Variants in IL1RAPL1 observed in about 807,000 individuals in gnomAD.
IL1RAPL1 encodes interleukin-1 receptor accessory protein-like 1.
Under a neutral mutation model 48.4 loss-of-function variants are expected in IL1RAPL1, and 3 were observed. The observed-to-expected ratio is 0.06, with a 90% confidence interval of 0.03 to 0.16. IL1RAPL1 has a LOEUF of 0.16. Among genes scored for constraint, IL1RAPL1 ranks in the 10% least tolerant of loss-of-function variants. The pLI is 1.00. For missense variants in IL1RAPL1, 349 were observed against 530.6 expected (o/e 0.66, Z 3.36); for synonymous variants, 185 against 187.7 (o/e 0.99, Z 0.12).
chrX:29,833,751 C>G (rs1225252602), intron 6 of IL1RAPL1, among the ~76,000 whole-genome samples: 1 of 111,815 alleles, frequency 8.9e-6, no homozygotes, highest in African/African-American at 3.2e-5. Flanking sequence ...AAGGTGTTTT[C>G]AATCTCATCA....
intron 2 of IL1RAPL1, among the ~76,000 whole-genome samples, chrX:29,127,172 T>A (rs1298691310): frequency 9.0e-6 from 1 of 111,000 alleles, no homozygotes; most frequent in Non-Finnish European, 1.9e-5. Context: ...TTATTCTTTA[T>A]TATTGTCATC....
intron 2 of IL1RAPL1, chrX:28,942,455 G>A (rs1245405034): frequency 9.2e-6 from 1 of 108,268 alleles, no homozygotes; most frequent in Non-Finnish European, 1.9e-5. Flanking sequence ...AACCAAAAAG[G>A]TAGTGAAAAT....
At chrX:28,986,960 C>G (rs1925490272) in intron 2 of IL1RAPL1, among the ~76,000 whole-genome samples, 1 of 111,969 alleles carries the variant, frequency 8.9e-6, no homozygotes, top group Non-Finnish European at 1.9e-5. Context: ...AGCTTGGAGA[C>G]TTTATCTTTG....
At chrX:29,030,441 G>A (rs1040378035) in intron 2 of IL1RAPL1, among the ~76,000 whole-genome samples, 2 of 111,057 alleles carry the variant, frequency 1.8e-5, no homozygotes, top group South Asian at 3.8e-4. Flanking sequence ...CCTGACTAAT[G>A]GGTACATAGG....
intron 2 of IL1RAPL1, among the ~76,000 whole-genome samples, chrX:29,092,497 T>C (rs1279206189): frequency 1.8e-5 from 2 of 111,970 alleles, no homozygotes; most frequent in African/African-American, 6.5e-5. Flanking sequence ...TTTCCTTAAG[T>C]TGACTCTCAT....
chrX:29,086,787 A>G (rs756292280), intron 2 of IL1RAPL1, among the ~76,000 whole-genome samples: 1 of 112,132 alleles, frequency 8.9e-6, no homozygotes, highest in African/African-American at 3.2e-5. Flanking sequence ...AATAAATAAT[A>G]TGTAGGGAAA....
intron 3 of IL1RAPL1, among the ~76,000 whole-genome samples, chrX:29,310,702 C>T (rs6630841): frequency 0.077 from 8,543 of 111,503 alleles, 840 homozygotes; most frequent in African/African-American, 0.26. Context: ...GAATAAATTG[C>T]TTATTACCAC....
chrX:29,158,419 G>A (rs1929608927), intron 2 of IL1RAPL1, among the ~76,000 whole-genome samples: 1 of 111,113 alleles, frequency 9.0e-6, no homozygotes, highest in Non-Finnish European at 1.9e-5. Flanking sequence ...CTATCCCCCA[G>A]GCTGGAGTGC....
chrX:29,714,635 T>G (rs1428867659), intron 6 of IL1RAPL1, among the ~76,000 whole-genome samples: 1 of 111,967 alleles, frequency 8.9e-6, no homozygotes, highest in Non-Finnish European at 1.9e-5. Flanking sequence ...TAACCTTAAT[T>G]GCTGAACCTA....
intron 9 of IL1RAPL1, 122 bp downstream of exon 9, chrX:29,941,916 T>C (rs1172608980): frequency 1.0e-5 from 6 of 593,074 alleles, no homozygotes; most frequent in Non-Finnish European, 1.6e-5. Context: ...ATTCTTTCAG[T>C]GCTCAGTTTG....
intron 2 of IL1RAPL1, among the ~76,000 whole-genome samples, chrX:28,842,199 T>C (rs1301192456): frequency 2.7e-5 from 3 of 110,700 alleles, no homozygotes; most frequent in African/African-American, 9.8e-5. Context: ...TATGTTATGA[T>C]TATGTTATTT....
intron 6 of IL1RAPL1, among the ~76,000 whole-genome samples, chrX:29,777,700 A>G (rs770941458): frequency 1.8e-5 from 2 of 111,486 alleles, no homozygotes; most frequent in Admixed American, 9.6e-5. Flanking sequence ...GATAACAATT[A>G]GAATAATGGT....
chrX:29,263,069 G>T (rs966297050), intron 2 of IL1RAPL1, among the ~76,000 whole-genome samples: 1 of 111,566 alleles, frequency 9.0e-6, no homozygotes, highest in African/African-American at 3.3e-5. Context: ...GGCAAGATTA[G>T]AAGTCATTGT....
chrX:29,923,113 C>T (rs779850300), intron 8 of IL1RAPL1, among the ~76,000 whole-genome samples: 5 of 112,079 alleles, frequency 4.5e-5, no homozygotes, highest in South Asian at 3.7e-4. Context: ...TTCTTTGAAA[C>T]ATTGCTTCCT....
intron 6 of IL1RAPL1, among the ~76,000 whole-genome samples, chrX:29,827,242 A>AATATAGGAGTAATAATAGGAGTAAT (rs1930757704): frequency 8.9e-6 from 1 of 112,426 alleles, no homozygotes; most frequent in Non-Finnish European, 1.9e-5. Context: ...TACTCCTAGC[A>AATATAGGAGTAATAATAGGAGTAAT]AATAGAATAT....
Position 28,971,933 on chromosome X carries a change from T to C in IL1RAPL1, c.82+182508T>C, listed in dbSNP as rs1412612234. On this transcript the variant is annotated intron_variant, in intron 2 of 10. Coordinates refer to ENST00000378993, the MANE Select transcript of IL1RAPL1 (RefSeq NM_014271.4). ...GTGTGTGTGTATTTCTGTAACAGTTTAGGGTTTTAATTTTTTTCCAGAAAC... is the reference window on the plus strand; with the variant it reads ...GTGTGTGTGTATTTCTGTAACAGTTCAGGGTTTTAATTTTTTTCCAGAAAC... Among the ~76,000 whole-genome samples the C allele has an allele frequency of 6.5e-5, 7 of 107,288 alleles. No individual in the cohort carries two copies. The East Asian group carries it at 2.1e-3, about 32-fold the overall frequency. The allele number at this position is 107,288 out of a possible 115,157, so 93.2% of individuals were successfully genotyped here.
chrX:28,913,459 C>T (rs973155874), intron 2 of IL1RAPL1, among the ~76,000 whole-genome samples: 13 of 111,758 alleles, frequency 1.2e-4, no homozygotes, highest in African/African-American at 4.2e-4. Context: ...TTTCTTAGCT[C>T]CTCAAATTGA....
chrX:29,281,053 C>T lies in IL1RAPL1; in HGVS notation c.83-1885C>T, dbSNP rs73631645. ...TAATAAATGTGGATAATTAATTCCA[C>T]GTTATTATGTGTCTTCTTTGCTGTA... is the stretch of plus-strand genomic sequence containing the variant. On this transcript the variant is annotated intron_variant, in intron 2 of 10. Coordinates refer to ENST00000378993, the MANE Select transcript of IL1RAPL1 (RefSeq NM_014271.4). Among the ~76,000 whole-genome samples, 646 of 111,494 alleles carry T rather than the reference C, an allele frequency of 5.8e-3. 5 individuals carry two copies. The highest frequency in any genetic ancestry group is 0.02 in the African/African-American group (603 of 30,771).
intron 2 of IL1RAPL1, among the ~76,000 whole-genome samples, chrX:28,911,878 T>C (rs886536751): frequency 9.2e-6 from 1 of 108,249 alleles, no homozygotes; most frequent in African/African-American, 3.4e-5. Flanking sequence ...GAAGAGTTTT[T>C]ATCAGTAGAT....
Sources: gnomAD v4.1 joint callset for allele counts (sites outside exome capture counted in the v4.1 genomes callset) on GRCh38, gnomAD v4.1.1 for gene constraint, MANE v1.5 for transcripts, NCBI Gene and HGNC (gene_info 2026-07-23, HGNC 2026-07-21) for gene names.